Variants in LRP2 observed in about 807,000 individuals in gnomAD.
LRP2 encodes LDL receptor related protein 2.
A neutral mutation model predicts 531.0 loss-of-function variants in LRP2; 172 were observed. The ratio of observed to expected loss-of-function variants is 0.32; its 90% CI spans 0.29 to 0.37. The LOEUF (loss-of-function observed/expected upper bound fraction) is 0.37, where lower values mean the gene tolerates loss of function less well. LRP2 is among the 10% of genes least tolerant of loss of function. The pLI is 1.00. For synonymous variants in LRP2, 1,992 were observed against 2,027.6 expected, an observed-to-expected ratio of 0.98 and a Z score of 0.47; for missense variants, 5,167 against 5,868.3, an observed-to-expected ratio of 0.88 and a Z score of 3.90.
At chr2:169,208,538 C>T (rs1329518119) in intron 38 of LRP2, among the ~76,000 whole-genome samples, 1 of 152,148 alleles carries the variant, frequency 6.6e-6, no homozygotes, top group Admixed American at 6.5e-5. Context: ...CCCACTGCAA[C>T]CTCCACCTCC....
intron 16 of LRP2, among the ~76,000 whole-genome samples, chr2:169,262,002 T>G (rs1232258917): frequency 1.3e-5 from 2 of 151,680 alleles, no homozygotes; most frequent in Non-Finnish European, 2.9e-5. Flanking sequence ...ACCACATGAT[T>G]ATCTCAATAG....
rs34104660 is a variant in LRP2, at chr2:169,307,306, G to A, written c.402C>T (p.Pro134=). The change falls in exon 4 of 79, where the codon CCC becomes CCT. Residue 134 remains proline, a synonymous_variant. Coordinates refer to ENST00000649046, the MANE Select transcript of LRP2 (RefSeq NM_004525.3). ...GGCAGTCATTCTCATCAGCTCCATC[G>A]GGGCAGTCTCTGACGTGGTCGCACC... is the stretch of plus-strand genomic sequence containing the variant. ...EYRCDHVRDC[P]DGADENDCQY... 12 of 1,613,040 alleles carry A rather than the reference G, an allele frequency of 7.4e-6. No homozygotes were observed. The highest frequency in any genetic ancestry group is 5.0e-5 in the Admixed American group (3 of 59,992).
chr2:169,133,904 T>C (rs888355097), intron 76 of LRP2, among the ~76,000 whole-genome samples: 7 of 152,190 alleles, frequency 4.6e-5, no homozygotes, highest in Admixed American at 6.5e-5. Context: ...GCTGTACTGC[T>C]GCAAAGCTTC....
In LRP2 at chr2:169,211,844, T is replaced by A. The variant is rs934396956; in HGVS notation, c.6280+124A>T. The A allele has an allele frequency of 1.7e-5, 23 of 1,344,324 alleles. No homozygotes were observed. The African/African-American group carries it at 3.3e-4, about 19-fold the overall frequency. The allele number at this position is 1,344,324 out of a possible 1,614,324, so 83.3% of individuals were successfully genotyped here. ...AACACTTTAGGCTGTGCCAGTTGAT[T>A]TAAAGGGAAAGGAAAGCTTCATTAT... On this transcript the variant is annotated intron_variant, in intron 37 of 78. Coordinates refer to ENST00000649046, the MANE Select transcript of LRP2 (RefSeq NM_004525.3).
intron 48 of LRP2, among the ~76,000 whole-genome samples, chr2:169,189,024 C>T (rs1687738715): frequency 6.6e-6 from 1 of 152,170 alleles, no homozygotes; most frequent in South Asian, 2.1e-4. Flanking sequence ...CTAACATACA[C>T]AGGCATCATT....
At position 169,244,864 on chromosome 2, in the gene LRP2, C is replaced by T. The variant is rs773452299; in HGVS notation, c.3259G>A (p.Asp1087Asn). ...CCATCCACACAGTCGTTGCGTTTGT[C>T]ACAGCGCCAGTGTGCAGGAATGCAC... ...GECIPAHWRC[D>N]KRNDCVDGSD... The change falls in exon 22 of 79, where the codon GAC becomes AAC. Residue 1087 changes from aspartate (D) to asparagine (N), a missense_variant. By Grantham distance (23) the Asp-to-Asn change is conservative (BLOSUM62 1). Coordinates refer to ENST00000649046, the MANE Select transcript of LRP2 (RefSeq NM_004525.3). The T allele has an allele frequency of 7.4e-6, 12 of 1,614,248 alleles. No homozygotes were observed. Among genetic ancestry groups the T allele is most frequent in the Non-Finnish European group, 1.0e-5 (12 of 1,180,046 alleles).
chr2:169,286,829 T>C (rs984849038), intron 9 of LRP2, among the ~76,000 whole-genome samples: 1 of 151,876 alleles, frequency 6.6e-6, no homozygotes, highest in Non-Finnish European at 1.5e-5. Context: ...TCTTTGGGAG[T>C]TGATAAAGGA....
At chr2:169,295,204 C>G (rs1684105428) in intron 4 of LRP2, among the ~76,000 whole-genome samples, 1 of 152,162 alleles carries the variant, frequency 6.6e-6, no homozygotes, top group Non-Finnish European at 1.5e-5. Flanking sequence ...AGTTCAGGAG[C>G]CCTGGCGGCC....
In LRP2 at chr2:169,328,250, G is replaced by C. The variant is rs3887613; in HGVS notation, c.80-7366C>G. Among the ~76,000 whole-genome samples, 155 of 38,500 alleles carry C rather than the reference G, an allele frequency of 4.0e-3. 7 individuals are homozygous for C. The highest frequency in any genetic ancestry group is 0.016 in the African/African-American group (83 of 5,186). 25.3% of individuals were successfully genotyped at this position (38,500 alleles called of 152,430 possible). ...CCGGGAGGGAGGTGGGGGGGTCAGC[G>C]CCCCGCCCGGCCAGCCGCCCCGTCC... is the stretch of plus-strand genomic sequence containing the variant. On this transcript the variant is annotated intron_variant, in intron 1 of 78. Transcript: ENST00000649046.
intron 13 of LRP2, among the ~76,000 whole-genome samples, chr2:169,277,220 A>T (rs912969291): frequency 6.6e-6 from 1 of 151,246 alleles, no homozygotes; most frequent in Non-Finnish European, 1.5e-5. Context: ...AAAGAAAGCC[A>T]TATTCTACAT....
chr2:169,193,829 C>T lies in LRP2; in HGVS notation c.8762G>A (p.Ser2921Asn), dbSNP rs764715655. The T allele has an allele frequency of 5.6e-6, 9 of 1,614,058 alleles. No homozygotes were observed. The highest frequency in any genetic ancestry group is 1.1e-5 in the South Asian group (1 of 91,082). ...FKCDGGRCIP[S>N]EWICDGDNDC... ...ATTATCACCGTCACAGATCCATTCG[C>T]TTGGGATGCACCTCCCACCATCACA... The change falls in exon 47 of 79, where the codon AGC becomes AAC. Residue 2921 changes from serine (S) to asparagine (N), a missense_variant. By Grantham distance (46) the Ser-to-Asn change is conservative. Around this residue, in one of 6 missense-constraint regions of LRP2, gnomAD observed 1,129 missense variants for 1,362.7 expected, o/e 0.83. Transcript: ENST00000649046.
intron 1 of LRP2, among the ~76,000 whole-genome samples, chr2:169,328,471 A>T (rs1458877350): frequency 1.3e-5 from 2 of 149,878 alleles, no homozygotes; most frequent in African/African-American, 4.9e-5. Flanking sequence ...AAAAGAAAAA[A>T]AAAGAAATAA....
intron 1 of LRP2, among the ~76,000 whole-genome samples, chr2:169,337,392 A>G (rs996423176): frequency 1.3e-5 from 2 of 152,208 alleles, no homozygotes; most frequent in South Asian, 2.1e-4. Flanking sequence ...GTATAAGGCC[A>G]TCTTTGCTAA....
chr2:169,277,601 A>G (rs1293783572), intron 13 of LRP2, 144 bp downstream of exon 13: 48 of 756,736 alleles, frequency 6.3e-5, no homozygotes, highest in Non-Finnish European at 2.2e-5. Flanking sequence ...ACTTCATGCA[A>G]ATGTCAGTAC....
chr2:169,181,387 C>G (rs1687424988), intron 52 of LRP2, 61 bp downstream of exon 52: 13 of 1,540,642 alleles, frequency 8.4e-6, no homozygotes, highest in Non-Finnish European at 1.1e-5. Flanking sequence ...ACTGGAATCA[C>G]AAGCTCTGAT....
At position 169,311,233 on chromosome 2, in the gene LRP2, C is replaced by T. The variant is rs543804923; in HGVS notation, c.311-3836G>A. 3.9e-5 allele frequency among the ~76,000 whole-genome samples: 6 copies of T among 152,158 alleles called. No homozygotes were observed. The East Asian group carries it at 9.7e-4, about 24-fold the overall frequency. On this transcript the variant is annotated intron_variant, in intron 3 of 78. Coordinates refer to ENST00000649046, the MANE Select transcript of LRP2 (RefSeq NM_004525.3). ...TGCTCTGATCTTAGTTATTTCTTGC[C>T]TTCTGCTAGCTTTTGAATGTGTTTG...
intron 16 of LRP2, among the ~76,000 whole-genome samples, chr2:169,268,802 G>A (rs1183723681): frequency 2.0e-5 from 3 of 152,148 alleles, no homozygotes; most frequent in Non-Finnish European, 2.9e-5. Context: ...AGGAAAAGAG[G>A]AAGTCAAATT....
chr2:169,359,835 G>T (rs1004300277), intron 1 of LRP2, among the ~76,000 whole-genome samples: 2 of 152,076 alleles, frequency 1.3e-5, no homozygotes, highest in Admixed American at 6.5e-5. Flanking sequence ...AGAAAAAAGA[G>T]AAATCGGGCC....
intron 16 of LRP2, among the ~76,000 whole-genome samples, chr2:169,264,434 T>G (rs1053281289): frequency 8.6e-5 from 13 of 151,958 alleles, no homozygotes; most frequent in Non-Finnish European, 1.8e-4. Flanking sequence ...TCCTGAGAAC[T>G]AAGCTCGACT....
Sources: gnomAD v4.1 joint callset for allele counts (sites outside exome capture counted in the v4.1 genomes callset) on GRCh38, gnomAD v4.1.1 for gene constraint, gnomAD v4.1.1 regional missense constraint, MANE v1.5 for transcripts, NCBI Gene and HGNC (gene_info 2026-07-23, HGNC 2026-07-21) for gene names.